KIAA1958: variants seen among roughly 807,000 people sequenced by gnomAD.
KIAA1958 encodes the protein uncharacterized protein KIAA1958.
A neutral mutation model predicts 47.2 loss-of-function variants in KIAA1958; 14 were observed. That is an observed-to-expected ratio of 0.30 (90% confidence interval 0.20 to 0.46). The LOEUF is 0.46. Among genes scored for constraint, KIAA1958 ranks in the 20% least tolerant of loss-of-function variants. KIAA1958 has a pLI of 1.00. For missense variants in KIAA1958, 803 were observed against 909.2 expected (o/e 0.88, Z 1.50); for synonymous variants, 354 against 353.3 (o/e 1.00, Z -0.02).
rs147240407 is a variant in KIAA1958 at position 112,580,660 on chromosome 9, G to A, written c.1171+5409G>A. 2.1e-4 allele frequency among the ~76,000 whole-genome samples: 32 copies of A among 152,006 alleles called. 1 individual carries two copies. The East Asian group carries it at 5.6e-3, about 27-fold the overall frequency. ...AAATTAGCCCAGCGTGGTGGCAGGC[G>A]CCTGTAGTCCCAGCTATTCGGCAGG... On this transcript the variant is annotated intron_variant, in intron 2 of 3. Coordinates refer to ENST00000337530, the MANE Select transcript of KIAA1958 (RefSeq NM_133465.4).
chr9:112,527,619 G>T (rs145018032), intron 1 of KIAA1958, among the ~76,000 whole-genome samples: 2 of 152,010 alleles, frequency 1.3e-5, no homozygotes, highest in African/African-American at 4.8e-5. Flanking sequence ...GTTTGAAGGG[G>T]TCAAGCGGTA....
intron 1 of KIAA1958, among the ~76,000 whole-genome samples, chr9:112,555,178 C>G (rs985018351): frequency 1.1e-4 from 16 of 152,146 alleles, no homozygotes; most frequent in African/African-American, 3.9e-4. Flanking sequence ...GCAGCAAGGC[C>G]TGGTTTGGAG....
intron 2 of KIAA1958, among the ~76,000 whole-genome samples, chr9:112,642,690 T>C (rs577655826): frequency 5.7e-4 from 87 of 152,356 alleles, no homozygotes; most frequent in Middle Eastern, 3.4e-3. Flanking sequence ...TAGTTCCCGC[T>C]TTTTCCTGTG....
At chr9:112,497,170 C>A (rs1263080941) in intron 1 of KIAA1958, among the ~76,000 whole-genome samples, 2 of 152,090 alleles carry the variant, frequency 1.3e-5, no homozygotes. Context: ...AATATTACAA[C>A]CAGGATATTG....
intron 1 of KIAA1958, among the ~76,000 whole-genome samples, chr9:112,526,227 T>A (rs2132804633): frequency 6.9e-6 from 1 of 144,846 alleles, no homozygotes; most frequent in South Asian, 2.3e-4. Flanking sequence ...CCGTTTGTGC[T>A]GCTATAACAG....
In KIAA1958 at chr9:112,589,334, C is replaced by T. The variant is rs548721943; in HGVS notation, c.1171+14083C>T. Among the ~76,000 whole-genome samples, 5 of 152,172 alleles carry T rather than the reference C, an allele frequency of 3.3e-5. No individual in the cohort carries two copies. The East Asian group carries it at 9.7e-4, about 29-fold the overall frequency. ...AGGACAGGCTGGGCGCAGTGGCTTA[C>T]GCCTGTAATCCCAGCACTTTGGGAG... On this transcript the variant is annotated intron_variant, in intron 2 of 3. Transcript: ENST00000337530.
chr9:112,629,687 A>G (rs1342948551), intron 2 of KIAA1958, among the ~76,000 whole-genome samples: 1 of 152,218 alleles, frequency 6.6e-6, no homozygotes, highest in East Asian at 1.9e-4. Flanking sequence ...CTAAATAAAA[A>G]TCTAGTTTTA....
chr9:112,508,587 C>T (rs2132775740), intron 1 of KIAA1958, among the ~76,000 whole-genome samples: 1 of 152,256 alleles, frequency 6.6e-6, no homozygotes, highest in African/African-American at 2.4e-5. Context: ...TTAATTGAGC[C>T]CTTTTGCACA....
chr9:112,497,728 A>C lies in KIAA1958; in HGVS notation c.-25+10610A>C, dbSNP rs191291798. On this transcript the variant is annotated intron_variant, in intron 1 of 3. Transcript: ENST00000337530. ...AATTAAAAAGTAAACTTTAATGTTG[A>C]AAATGCAAACTTGGGGAGGTTCAAT... is the stretch of plus-strand genomic sequence containing the variant. Among the ~76,000 whole-genome samples, 87 of 152,276 alleles carry C rather than the reference A, an allele frequency of 5.7e-4. 1 individual carries two copies. The highest frequency in any genetic ancestry group is 1.5e-3 in the Admixed American group (23 of 15,300).
chr9:112,601,614 T>G (rs1015079660), intron 2 of KIAA1958, among the ~76,000 whole-genome samples: 5 of 152,146 alleles, frequency 3.3e-5, no homozygotes, highest in Non-Finnish European at 7.4e-5. Flanking sequence ...CACCCCCACC[T>G]TGCAGCACGC....
rs577141339 is a variant in KIAA1958 at position 112,517,599 on chromosome 9, T to C, written c.-25+30481T>C. ...CAGTAAAATTTGATCAATTGGACTT[T>C]AGAAAATTTAAGAATTTCTGCTCTT... On this transcript the variant is annotated intron_variant, in intron 1 of 3. Coordinates refer to ENST00000337530, the MANE Select transcript of KIAA1958 (RefSeq NM_133465.4). Among the ~76,000 whole-genome samples the C allele has an allele frequency of 5.7e-4, 87 of 152,350 alleles. 2 individuals carry two copies. The South Asian group carries it at 0.015, about 27-fold the overall frequency.
intron 2 of KIAA1958, among the ~76,000 whole-genome samples, chr9:112,604,967 TTTATATA>T (rs1461552154): frequency 4.1e-5 from 6 of 147,604 alleles, no homozygotes; most frequent in Non-Finnish European, 9.0e-5. Flanking sequence ...TTTATATATT[TTTATATA>T]TTATATATTT....
chr9:112,582,363 A>T (rs1214540579), intron 2 of KIAA1958: 1 of 152,198 alleles, frequency 6.6e-6, no homozygotes, highest in East Asian at 1.9e-4. Flanking sequence ...AAATATATAC[A>T]CCTACTATGT....
chr9:112,580,300 T>C (rs2131179919), intron 2 of KIAA1958, among the ~76,000 whole-genome samples: 1 of 152,270 alleles, frequency 6.6e-6, no homozygotes, highest in East Asian at 1.9e-4. Flanking sequence ...GTTTTTTTTA[T>C]GTGGGCAGAT....
chr9:112,617,750 C>T lies in KIAA1958; in HGVS notation c.1172-27900C>T. ...TGTAAATAACATTTATCAGTGATCT[C>T]CGTAAAACTGATTCCTCCTTTCCCT... On this transcript the variant is annotated intron_variant, in intron 2 of 3. Transcript: ENST00000337530. 5 of 763,796 alleles carry T rather than the reference C, an allele frequency of 6.5e-6. No homozygotes were observed. In the South Asian group the frequency reaches 7.8e-5, roughly 12 times the overall value. 47.3% of individuals were successfully genotyped at this position (763,796 alleles called of 1,614,324 possible). A position where few individuals can be genotyped will look rare whatever the true frequency, so the allele number is the denominator to read the frequency against.
chr9:112,518,990 C>T (rs1271366510), intron 1 of KIAA1958, among the ~76,000 whole-genome samples: 1 of 152,116 alleles, frequency 6.6e-6, no homozygotes, highest in Non-Finnish European at 1.5e-5. Flanking sequence ...AGTGCAGTGG[C>T]ACAATCCTAG....
chr9:112,536,663 G>A (rs1434330914), intron 1 of KIAA1958, among the ~76,000 whole-genome samples: 1 of 152,134 alleles, frequency 6.6e-6, no homozygotes, highest in African/African-American at 2.4e-5. Flanking sequence ...CATGTCTGTA[G>A]TCCCAGCTAC....
At chr9:112,588,998 T>A (rs1777637) in intron 2 of KIAA1958, among the ~76,000 whole-genome samples, 14,438 of 151,518 alleles carry the variant, frequency 0.095, 896 homozygotes, top group Middle Eastern at 0.17. Flanking sequence ...CAGGCTGGTT[T>A]TAAACTCTTA....
intron 1 of KIAA1958, among the ~76,000 whole-genome samples, chr9:112,552,844 G>T (rs1018056278): frequency 6.6e-6 from 1 of 152,070 alleles, no homozygotes; most frequent in Non-Finnish European, 1.5e-5. Context: ...ATTCAAGTCG[G>T]CATGGAGCTG....
Sources: gnomAD v4.1 joint callset for allele counts (sites outside exome capture counted in the v4.1 genomes callset) on GRCh38, gnomAD v4.1.1 for gene constraint, MANE v1.5 for transcripts, NCBI Gene and HGNC (gene_info 2026-07-23, HGNC 2026-07-21) for gene names.